The following TCF4 variants were observed in gnomAD, a reference collection of about 807,000 sequenced individuals.
TCF4 encodes SL3-3 enhancer factor 2.
A neutral mutation model predicts 82.1 loss-of-function variants in TCF4; 3 were observed. The ratio of observed to expected loss-of-function variants is 0.04; its 90% confidence interval spans 0.02 to 0.09. TCF4 has a LOEUF of 0.09. TCF4 is among the 10% of genes least tolerant of loss of function. TCF4 has a pLI of 1.00. For missense variants in TCF4, 518 were observed against 852.7 expected, an observed-to-expected ratio of 0.61 and a Z score of 4.89; for synonymous variants, 276 against 309.6, an observed-to-expected ratio of 0.89 and a Z score of 1.14.
chr18:55,294,382 A>G (rs1479917757), intron 8 of TCF4, among the ~76,000 whole-genome samples: 1 of 152,228 alleles, frequency 6.6e-6, no homozygotes, highest in African/African-American at 2.4e-5. Context: ...AGCACATCCA[A>G]TACAATGGGT....
intron 8 of TCF4, among the ~76,000 whole-genome samples, chr18:55,309,806 T>A (rs932500907): frequency 6.6e-6 from 1 of 152,122 alleles, no homozygotes; most frequent in Non-Finnish European, 1.5e-5. Flanking sequence ...GAGGGACATA[T>A]GGACTATAAG....
chr18:55,264,046 T>C (rs1317464075), intron 11 of TCF4, among the ~76,000 whole-genome samples: 1 of 152,032 alleles, frequency 6.6e-6, no homozygotes, highest in Non-Finnish European at 1.5e-5. Context: ...TGAAAACCAA[T>C]ACAAATATTT....
At chr18:55,237,453 C>T (rs1427476696) in intron 15 of TCF4, among the ~76,000 whole-genome samples, 1 of 146,798 alleles carries the variant, frequency 6.8e-6, no homozygotes, top group Non-Finnish European at 1.5e-5. Flanking sequence ...ATGTTAGAGA[C>T]AAAGTTGTTC....
chr18:55,483,593 G>T (rs1411139446), intron 3 of TCF4, among the ~76,000 whole-genome samples: 3 of 152,126 alleles, frequency 2.0e-5, no homozygotes, highest in African/African-American at 7.2e-5. Flanking sequence ...CTCTTATATG[G>T]TCATTGTAAA....
intron 8 of TCF4, among the ~76,000 whole-genome samples, chr18:55,338,905 T>C (rs1317488710): frequency 6.6e-6 from 1 of 152,220 alleles, no homozygotes; most frequent in Non-Finnish European, 1.5e-5. Flanking sequence ...GCATCTTTAA[T>C]TTTTACAGGT....
At chr18:55,400,773 C>T in intron 6 of TCF4, 2 of 315,762 alleles carry the variant, frequency 6.3e-6, no homozygotes, top group Non-Finnish European at 1.2e-5. Context: ...CTACCTGTTG[C>T]TTACCACCAC....
chr18:55,514,405 GCACACA>G lies in TCF4; in HGVS notation c.146-50274_146-50269del, dbSNP rs74182104. Among the ~76,000 whole-genome samples the G allele has an allele frequency of 0.021, 2,796 of 130,228 alleles. 130 individuals are homozygous for G. In the East Asian group the frequency reaches 0.22, roughly 10 times the overall value. The allele number at this position is 130,228 out of a possible 152,430, so 85.4% of individuals were successfully genotyped here. On this transcript the variant is annotated intron_variant, in intron 3 of 19. Transcript: ENST00000354452. ...TGAGCATACACACACATCTATCCAT[GCACACA>G]CACACACACACACACACACACACAC... is the stretch of plus-strand genomic sequence containing the variant.
chr18:55,428,371 A>G (rs1315846295), intron 5 of TCF4, among the ~76,000 whole-genome samples: 1 of 152,168 alleles, frequency 6.6e-6, no homozygotes, highest in Non-Finnish European at 1.5e-5. Context: ...TCCATAAGCA[A>G]TCTCATACCA....
intron 2 of TCF4, among the ~76,000 whole-genome samples, chr18:55,608,512 A>G (rs577270374): frequency 6.6e-6 from 1 of 151,880 alleles, no homozygotes; most frequent in East Asian, 1.9e-4. Flanking sequence ...AGTCTGTATG[A>G]GCCATTTAAA....
intron 5 of TCF4, among the ~76,000 whole-genome samples, chr18:55,443,370 C>T (rs1020364136): frequency 1.1e-4 from 17 of 152,162 alleles, no homozygotes; most frequent in Admixed American, 9.8e-4. Flanking sequence ...CCTTGGCAAG[C>T]GGTTTGTAAA....
At chr18:55,282,126 A>G (rs1252343322) in intron 8 of TCF4, among the ~76,000 whole-genome samples, 1 of 151,976 alleles carries the variant, frequency 6.6e-6, no homozygotes. Context: ...TAGATACTTT[A>G]TCATTCTTAC....
In TCF4 at chr18:55,224,519, T is replaced by G. The variant is rs1233530847; in HGVS notation, c.*3516A>C. 2 of 152,600 alleles carry G rather than the reference T, an allele frequency of 1.3e-5. No individual in the cohort carries two copies. Among genetic ancestry groups the G allele is most frequent in the Non-Finnish European group, 2.9e-5 (2 of 68,026 alleles). The allele number at this position is 152,600 out of a possible 1,614,324, so 9.5% of individuals were successfully genotyped here. On this transcript the variant is annotated 3_prime_UTR_variant, in exon 20 of 20. Coordinates refer to ENST00000354452, the MANE Select transcript of TCF4 (RefSeq NM_001083962.2). ...GATTCATTCCTGACTCAAGTTCACT[T>G]TTGGACACAGATCATATTCTGCCTG...
At position 55,397,177 on chromosome 18, in the gene TCF4, A is replaced by G. The variant is rs148176199; in HGVS notation, c.369+6277T>C. ...CCACTTTTGCCAAGTGATTAAAGTT[A>G]GCATTACCAACAGCAGCATAGCTCA... On this transcript the variant is annotated intron_variant, in intron 6 of 19. Transcript: ENST00000354452. Among the ~76,000 whole-genome samples, 23 of 152,352 alleles carry G rather than the reference A, an allele frequency of 1.5e-4. No homozygotes were observed. The East Asian group carries it at 3.7e-3, about 24-fold the overall frequency.
chr18:55,626,385 A>G (rs763221561), intron 2 of TCF4, among the ~76,000 whole-genome samples: 16 of 152,110 alleles, frequency 1.1e-4, no homozygotes, highest in Admixed American at 2.0e-4. Flanking sequence ...TTGTCTGTGA[A>G]TACTATATCC....
intron 6 of TCF4, among the ~76,000 whole-genome samples, chr18:55,373,945 C>A (rs2090052067): frequency 6.6e-6 from 1 of 151,032 alleles, no homozygotes; most frequent in African/African-American, 2.4e-5. Flanking sequence ...ATATCCATGC[C>A]ATTTCCCCAC....
chr18:55,515,954 GC>G (rs1343941872), intron 3 of TCF4, among the ~76,000 whole-genome samples: 1 of 152,156 alleles, frequency 6.6e-6, no homozygotes, highest in Non-Finnish European at 1.5e-5. Context: ...TGGTGAACAT[GC>G]CCTTAGATGT....
chr18:55,610,694 C>T lies in TCF4; in HGVS notation c.286+20604G>A, dbSNP rs587632. 1.6e-3 allele frequency among the ~76,000 whole-genome samples: 238 copies of T among 152,256 alleles called. 1 individual carries two copies. Among genetic ancestry groups the T allele is most frequent in the African/African-American group, 5.6e-3 (233 of 41,536 alleles). The stretch of plus-strand genomic sequence containing the variant: ...TATCCATCAAGATGGAAAGATTACA[C>T]CCAGGGAAGTGGTTCACATGGCAGC... On this transcript the variant is annotated intron_variant, in intron 2 of 20. Coordinates refer to the TCF4 transcript ENST00000398339.
intron 8 of TCF4, among the ~76,000 whole-genome samples, chr18:55,341,679 A>G (rs995876929): frequency 3.3e-5 from 5 of 152,158 alleles, no homozygotes; most frequent in African/African-American, 1.2e-4. Flanking sequence ...AGTAATACGC[A>G]TAAGTAAAGC....
chr18:55,399,055 T>C (rs1397442938), intron 6 of TCF4, among the ~76,000 whole-genome samples: 6 of 152,234 alleles, frequency 3.9e-5, no homozygotes, highest in Non-Finnish European at 8.8e-5. Flanking sequence ...TTGGCCTCAA[T>C]TGCCAATTTC....
Sources: gnomAD v4.1 joint callset for allele counts (sites outside exome capture counted in the v4.1 genomes callset) on GRCh38, gnomAD v4.1.1 for gene constraint, MANE v1.5 for transcripts, NCBI Gene and HGNC (gene_info 2026-07-23, HGNC 2026-07-21) for gene names.